AP2B1: variants seen among roughly 807,000 people sequenced by gnomAD.
The protein encoded by AP2B1 is AP-2 complex subunit beta.
In AP2B1, 23 loss-of-function variants were observed where a neutral mutation model predicts 102.0. The observed-to-expected ratio is 0.23, with a 90% CI of 0.16 to 0.32. The LOEUF (loss-of-function observed/expected upper bound fraction) is 0.32. AP2B1 is among the 10% of genes least tolerant of loss of function. The pLI, the probability that AP2B1 is intolerant of heterozygous loss-of-function variation, is 1.00. For synonymous variants in AP2B1, 381 were observed against 421.2 expected (o/e 0.90, Z 1.17); for missense variants, 541 against 1,157.4 (o/e 0.47, Z 7.73).
chr17:35,696,272 A>G (rs587732394), intron 18 of AP2B1, among the ~76,000 whole-genome samples: 101 of 152,232 alleles, frequency 6.6e-4, no homozygotes, highest in African/African-American at 2.3e-3. Context: ...CGTATAGCTT[A>G]CTTACTTACT....
intron 18 of AP2B1, among the ~76,000 whole-genome samples, chr17:35,687,400 GC>G (rs2075958796): frequency 1.3e-5 from 2 of 151,952 alleles, no homozygotes; most frequent in Admixed American, 6.6e-5. Flanking sequence ...GATTACAGGT[GC>G]GAGCCACCAC....
intron 13 of AP2B1, among the ~76,000 whole-genome samples, chr17:35,652,112 A>G (rs370829421): frequency 2.7e-4 from 41 of 152,338 alleles, no homozygotes; most frequent in Non-Finnish European, 5.9e-5. Flanking sequence ...CTAAAAAGAA[A>G]GTGTCTTACA....
chr17:35,687,540 A>G (rs73285244), intron 18 of AP2B1, among the ~76,000 whole-genome samples: 2,606 of 151,114 alleles, frequency 0.017, 76 homozygotes, highest in African/African-American at 0.061. Flanking sequence ...TCAGTGTTCA[A>G]TGTTTACATC....
At chr17:35,632,017 CTCAG>C (rs925767716) in intron 9 of AP2B1, among the ~76,000 whole-genome samples, 27 of 151,520 alleles carry the variant, frequency 1.8e-4, no homozygotes, top group Admixed American at 1.5e-3. Context: ...ATCAGCTTTT[CTCAG>C]TCAGTGTTTT....
At chr17:35,618,706 T>C (rs1050793681) in intron 5 of AP2B1, among the ~76,000 whole-genome samples, 14 of 152,202 alleles carry the variant, frequency 9.2e-5, no homozygotes, top group African/African-American at 3.4e-4. Context: ...CTAGATTTCC[T>C]TTGAGAGTCC....
chr17:35,635,014 T>C (rs984351023), intron 9 of AP2B1, among the ~76,000 whole-genome samples: 4 of 152,008 alleles, frequency 2.6e-5, no homozygotes, highest in African/African-American at 9.7e-5. Flanking sequence ...AGTGATTGGA[T>C]GTCACTCTAC....
intron 5 of AP2B1, chr17:35,621,460 A>G (rs2074176226): frequency 1.3e-5 from 7 of 523,244 alleles, no homozygotes; most frequent in Non-Finnish European, 1.7e-5. Context: ...ACTTCAAGAA[A>G]TTTTAGAGAA....
chr17:35,600,017 CTT>C (rs1485738382), intron 3 of AP2B1, among the ~76,000 whole-genome samples: 1 of 152,176 alleles, frequency 6.6e-6, no homozygotes, highest in Non-Finnish European at 1.5e-5. Flanking sequence ...TTGCAACTAA[CTT>C]TTAAGAAACT....
chr17:35,683,957 G>A (rs2075877711), intron 18 of AP2B1, among the ~76,000 whole-genome samples: 1 of 152,154 alleles, frequency 6.6e-6, no homozygotes, highest in South Asian at 2.1e-4. Context: ...GAAATTCAAG[G>A]CCCAATCAAT....
At chr17:35,669,977 A>G (rs546379585) in intron 14 of AP2B1, among the ~76,000 whole-genome samples, 2 of 152,326 alleles carry the variant, frequency 1.3e-5, no homozygotes, top group African/African-American at 2.4e-5. Context: ...TACATTGCCT[A>G]TATGCCACCT....
rs185280245 is a variant in AP2B1, at chr17:35,590,377, G to T, written c.-24+2949G>T. 1.1e-4 allele frequency among the ~76,000 whole-genome samples: 17 copies of T among 151,576 alleles called. No individual in the cohort carries two copies. The East Asian group carries it at 2.5e-3, about 22-fold the overall frequency. ...TCATATATATATGTGATTTTTTTTT[G>T]AGGTGAAATTCACGTACCATAAAAT... On this transcript the variant is annotated intron_variant, in intron 1 of 21. Coordinates refer to ENST00000610402, the MANE Select transcript of AP2B1 (RefSeq NM_001030006.2).
intron 12 of AP2B1, among the ~76,000 whole-genome samples, chr17:35,649,514 C>T (rs574020416): frequency 6.6e-6 from 1 of 152,212 alleles, no homozygotes; most frequent in African/African-American, 2.4e-5. Flanking sequence ...AGGTGATCCT[C>T]CCGCCTCGGC....
intron 5 of AP2B1, among the ~76,000 whole-genome samples, chr17:35,620,960 A>G (rs1296182559): frequency 6.6e-6 from 1 of 152,270 alleles, no homozygotes; most frequent in Non-Finnish European, 1.5e-5. Flanking sequence ...TTGTGTTAAC[A>G]GTTCTAAATC....
intron 18 of AP2B1, among the ~76,000 whole-genome samples, chr17:35,691,817 G>C (rs1228981580): frequency 6.6e-6 from 1 of 152,164 alleles, no homozygotes; most frequent in Non-Finnish European, 1.5e-5. Context: ...AAATAAAATA[G>C]AAAATTACTT....
intron 12 of AP2B1, among the ~76,000 whole-genome samples, chr17:35,643,969 A>C (rs1195034495): frequency 6.6e-6 from 1 of 152,230 alleles, no homozygotes; most frequent in Non-Finnish European, 1.5e-5. Context: ...CATGGAAACT[A>C]TGTAGGCCAC....
intron 2 of AP2B1, among the ~76,000 whole-genome samples, chr17:35,595,427 G>A (rs1323847538): frequency 6.6e-6 from 1 of 151,956 alleles, no homozygotes; most frequent in Admixed American, 6.6e-5. Context: ...CACACCTGTA[G>A]TCCCAGCTAT....
At chr17:35,711,595 A>G (rs2143008676) in intron 20 of AP2B1, among the ~76,000 whole-genome samples, 1 of 152,164 alleles carries the variant, frequency 6.6e-6, no homozygotes, top group East Asian at 1.9e-4. Flanking sequence ...CAGCCTCCAG[A>G]GTAGCTGGGA....
chr17:35,650,321 T>C (rs536847505), intron 12 of AP2B1, among the ~76,000 whole-genome samples: 183 of 152,168 alleles, frequency 1.2e-3, no homozygotes, highest in Non-Finnish European at 1.9e-3. Flanking sequence ...TCTCAAACTC[T>C]TGGGTCCAAG....
chr17:35,602,623 A>C (rs1436426924), intron 3 of AP2B1, among the ~76,000 whole-genome samples: 1 of 152,236 alleles, frequency 6.6e-6, no homozygotes, highest in Admixed American at 6.5e-5. Flanking sequence ...TCAACATAAA[A>C]ATTATTAATG....
Sources: allele counts gnomAD v4.1 joint callset (sites outside exome capture counted in the v4.1 genomes callset), GRCh38; gene constraint gnomAD v4.1.1; transcripts MANE v1.5; gene names NCBI Gene and HGNC (gene_info 2026-07-23, HGNC 2026-07-21).